ROBO1: variants seen among roughly 807,000 people sequenced by gnomAD.
The protein encoded by ROBO1 is roundabout guidance receptor 1, also known as roundabout homolog 1.
ROBO1 carries 149 observed loss-of-function variants against 195.9 expected under a neutral mutation model. The ratio of observed to expected loss-of-function variants is 0.76; its 90% CI spans 0.67 to 0.87. The LOEUF is 0.87. ROBO1 is among the 40% of genes least tolerant of loss of function. ROBO1 has a pLI of 0.00. For synonymous variants in ROBO1, 816 were observed against 733.2 expected (o/e 1.11, Z -1.82); for missense variants, 1,933 against 2,068.3 (o/e 0.93, Z 1.27).
At chr3:78,774,443 T>C (rs2083454383) in intron 4 of ROBO1, among the ~76,000 whole-genome samples, 1 of 152,058 alleles carries the variant, frequency 6.6e-6, no homozygotes, top group Non-Finnish European at 1.5e-5. Context: ...CCCAAGTAGC[T>C]GGGACTACAG....
intron 4 of ROBO1, among the ~76,000 whole-genome samples, chr3:78,875,716 T>C (rs1408444703): frequency 1.3e-5 from 2 of 151,964 alleles, no homozygotes; most frequent in African/African-American, 4.8e-5. Context: ...CAATTTGGTT[T>C]TAGGAAGCAA....
intron 26 of ROBO1, among the ~76,000 whole-genome samples, chr3:78,623,082 A>G (rs759764529): frequency 2.0e-5 from 3 of 152,218 alleles, no homozygotes; most frequent in Non-Finnish European, 4.4e-5. Context: ...CAGCAATAGA[A>G]ACAGGAACTC....
chr3:79,059,389 T>A (rs1449749459), intron 3 of ROBO1, among the ~76,000 whole-genome samples: 1 of 152,022 alleles, frequency 6.6e-6, no homozygotes, highest in Non-Finnish European at 1.5e-5. Flanking sequence ...ATTTTGGAAT[T>A]ATGCTTCTCT....
chr3:78,806,885 G>A (rs142560871), intron 4 of ROBO1, among the ~76,000 whole-genome samples: 157 of 151,838 alleles, frequency 1.0e-3, no homozygotes, highest in Middle Eastern at 3.4e-3. Flanking sequence ...TCAGCTCACT[G>A]CAACCTCCGC....
intron 2 of ROBO1, among the ~76,000 whole-genome samples, chr3:79,545,178 C>A (rs1942219437): frequency 6.6e-6 from 1 of 152,104 alleles, no homozygotes; most frequent in South Asian, 2.1e-4. Context: ...AAGGAAATTG[C>A]ATGTGGACAC....
At chr3:79,499,299 A>T (rs1359735984) in intron 2 of ROBO1, among the ~76,000 whole-genome samples, 2 of 152,160 alleles carry the variant, frequency 1.3e-5, no homozygotes, top group Non-Finnish European at 2.9e-5. Context: ...CCGGCCCAAA[A>T]CCAGTCTTTA....
At chr3:79,018,766 G>A (rs2078022364) in intron 3 of ROBO1, 3 of 1,131,106 alleles carry the variant, frequency 2.7e-6, no homozygotes, top group Non-Finnish European at 3.3e-6. Context: ...AAGCGCAGTA[G>A]TGCCGTTTCC....
chr3:78,892,341 G>A (rs1237395180), intron 4 of ROBO1, among the ~76,000 whole-genome samples: 1 of 152,136 alleles, frequency 6.6e-6, no homozygotes, highest in African/African-American at 2.4e-5. Context: ...TCATGAAACT[G>A]GTCCCTGATG....
At chr3:79,277,262 A>G (rs1038350703) in intron 2 of ROBO1, among the ~76,000 whole-genome samples, 1 of 152,140 alleles carries the variant, frequency 6.6e-6, no homozygotes, top group Non-Finnish European at 1.5e-5. Flanking sequence ...TGTAGTACAT[A>G]TACACAATAG....
At chr3:78,976,218 G>GA (rs1458190753) in intron 3 of ROBO1, among the ~76,000 whole-genome samples, 4 of 152,076 alleles carry the variant, frequency 2.6e-5, no homozygotes, top group South Asian at 2.1e-4. Context: ...ACAGTGGCAA[G>GA]AAAAAAATGG....
intron 2 of ROBO1, among the ~76,000 whole-genome samples, chr3:79,254,393 C>T (rs2082789134): frequency 6.6e-6 from 1 of 151,870 alleles, no homozygotes. Context: ...TTCTCAATCT[C>T]TTTTTAATTC....
chr3:79,440,730 G>A (rs2039025347), intron 2 of ROBO1, among the ~76,000 whole-genome samples: 1 of 152,018 alleles, frequency 6.6e-6, no homozygotes, highest in South Asian at 2.1e-4. Context: ...CATTTGTTTT[G>A]GTTGTTAAAT....
In ROBO1 at chr3:78,597,448, ACAC is replaced by A. The variant is rs1702890015; in HGVS notation, c.*1462_*1464del. 2 of 152,504 alleles carry A rather than the reference ACAC, an allele frequency of 1.3e-5. No individual in the cohort carries two copies. The highest frequency in any genetic ancestry group is 2.9e-5 in the Non-Finnish European group (2 of 67,968). The allele number at this position is 152,504 out of a possible 1,614,324, so 9.4% of individuals were successfully genotyped here. ...AAATGAACAAGTTTGGTTTTGGTGA[ACAC>A]CAGCCTTTTTTTTTGTGGTTCAGTT... On this transcript the variant is annotated 3_prime_UTR_variant, in exon 31 of 31. Coordinates refer to ENST00000464233, the MANE Select transcript of ROBO1 (RefSeq NM_002941.4).
intron 4 of ROBO1, among the ~76,000 whole-genome samples, chr3:78,897,269 G>A (rs2037293593): frequency 6.6e-6 from 1 of 152,150 alleles, no homozygotes; most frequent in Non-Finnish European, 1.5e-5. Context: ...AGGCTCTGGG[G>A]AAGGAACACA....
chr3:79,014,164 A>G (rs1456099587), intron 3 of ROBO1, among the ~76,000 whole-genome samples: 1 of 152,206 alleles, frequency 6.6e-6, no homozygotes, highest in Non-Finnish European at 1.5e-5. Flanking sequence ...CACTGACATC[A>G]TATTTTCAGA....
chr3:78,928,758 A>G (rs2039348171), intron 4 of ROBO1, among the ~76,000 whole-genome samples: 1 of 152,220 alleles, frequency 6.6e-6, no homozygotes, highest in African/African-American at 2.4e-5. Flanking sequence ...TCCATTTGAG[A>G]ACACTCTCAT....
At chr3:79,306,238 C>A (rs2033211638) in intron 2 of ROBO1, among the ~76,000 whole-genome samples, 1 of 152,136 alleles carries the variant, frequency 6.6e-6, no homozygotes, top group Non-Finnish European at 1.5e-5. Flanking sequence ...AGTTCTACTA[C>A]ATACAGTCAA....
chr3:78,687,897 CT>C (rs1575937398), intron 9 of ROBO1, among the ~76,000 whole-genome samples: 1 of 152,158 alleles, frequency 6.6e-6, no homozygotes, highest in East Asian at 1.9e-4. Context: ...TCCCAAAGTA[CT>C]GAGATTACAA....
At chr3:78,769,617 G>GTTTTTTTT (rs1559836189) in intron 4 of ROBO1, among the ~76,000 whole-genome samples, 11 of 72,916 alleles carry the variant, frequency 1.5e-4, no homozygotes, top group East Asian at 1.0e-3. Context: ...AGTGTACTTT[G>GTTTTTTTT]GTTTTTTTTT....
Sources: allele counts gnomAD v4.1 joint callset (sites outside exome capture counted in the v4.1 genomes callset), GRCh38; gene constraint gnomAD v4.1.1; transcripts MANE v1.5; gene names NCBI Gene and HGNC (gene_info 2026-07-23, HGNC 2026-07-21).